The following MR1 variants were observed in gnomAD, a reference collection of about 807,000 sequenced individuals.
The protein encoded by MR1 is major histocompatibility complex class I-related protein 1.
MR1 carries 44 observed loss-of-function variants against 37.8 expected under a neutral mutation model. That is an observed-to-expected ratio of 1.16 (90% CI 0.91 to 1.50). MR1 has a LOEUF of 1.50. MR1 is among the 40% of genes most tolerant of loss of function. The probability of loss-of-function intolerance (pLI) is 0.00; values close to 1 mark genes in which losing one functional copy is unlikely to be tolerated. For synonymous variants in MR1, 153 were observed against 155.8 expected (o/e 0.98, Z 0.13); for missense variants, 386 against 419.1 (o/e 0.92, Z 0.69).
rs1407084490 is a variant in MR1, at chr1:181,052,375, TATG to T, written c.746_748del (p.Tyr249_Gly250delinsTer). On this transcript the variant is annotated stop_gained and inframe_deletion, in exon 4 of 6. Coordinates refer to ENST00000367580, the MANE Select transcript of MR1 (RefSeq NM_001385161.1). LOFTEE classifies it high-confidence loss of function. ...GGAAGAAATTGTCCAAGAAATTGATTATGGAGACATTCTTCCCAGTGGGGATGG... is the reference window on the plus strand; with the variant it reads ...GGAAGAAATTGTCCAAGAAATTGATTGAGACATTCTTCCCAGTGGGGATGG... 14 of 1,614,144 alleles carry T rather than the reference TATG, an allele frequency of 8.7e-6. No homozygotes were observed. The highest frequency in any genetic ancestry group is 1.2e-5 in the Non-Finnish European group (14 of 1,180,032).
chr1:181,040,736 C>T (rs1055495272), intron 1 of MR1, among the ~76,000 whole-genome samples: 1 of 149,888 alleles, frequency 6.7e-6, no homozygotes, highest in Non-Finnish European at 1.5e-5. Flanking sequence ...ACAACTGTTT[C>T]AAAACCAGGC....
chr1:181,040,996 C>T (rs941660361), intron 1 of MR1, among the ~76,000 whole-genome samples: 3 of 151,896 alleles, frequency 2.0e-5, no homozygotes, highest in Non-Finnish European at 2.9e-5. Context: ...GCAGGAGAAT[C>T]GCTTGAACCT....
In MR1 at chr1:181,061,379, T is replaced by G. The variant is rs1658892035; in HGVS notation, c.*6114T>G. The G allele has an allele frequency of 6.6e-6, 1 of 152,254 alleles. No individual in the cohort carries two copies. Among genetic ancestry groups the G allele is most frequent in the East Asian group, 1.9e-4 (1 of 5,200 alleles). 9.4% of individuals were successfully genotyped at this position (152,254 alleles called of 1,614,324 possible). On this transcript the variant is annotated 3_prime_UTR_variant, in exon 6 of 6. Transcript: ENST00000367580. Reference sequence around the variant, plus strand: ...ACACAGAGTAGATTTTGGTCCCGTTTGTTCCCCAGTGGGGTATCTATCCTT... The same window carrying G: ...ACACAGAGTAGATTTTGGTCCCGTTGGTTCCCCAGTGGGGTATCTATCCTT...
At chr1:181,053,433 G>A (rs997995978) in intron 4 of MR1, 140 bp from the exon 5 acceptor site, 7 of 608,048 alleles carry the variant, frequency 1.2e-5, no homozygotes, top group Middle Eastern at 2.7e-4. Flanking sequence ...TATTCCATTA[G>A]TGGTCAGATT....
chr1:181,037,160 T>C (rs1365770677), intron 1 of MR1: 1 of 152,232 alleles, frequency 6.6e-6, no homozygotes, highest in East Asian at 1.9e-4. Context: ...ATAAATCTGC[T>C]ATATCAATCT....
chr1:181,052,635 C>G (rs555314093), intron 4 of MR1, 125 bp downstream of exon 4: 1 of 1,056,700 alleles, frequency 9.5e-7, no homozygotes, highest in South Asian at 1.7e-5. Context: ...TAGAATGGGT[C>G]TTTTAAATAA....
chr1:181,053,135 A>G (rs2102402491), intron 4 of MR1, among the ~76,000 whole-genome samples: 1 of 152,278 alleles, frequency 6.6e-6, no homozygotes, highest in South Asian at 2.1e-4. Flanking sequence ...TAATGCCAGT[A>G]CTTTGGGAGG....
At chr1:181,042,820 G>A (rs190157549) in intron 1 of MR1, among the ~76,000 whole-genome samples, 1 of 152,034 alleles carries the variant, frequency 6.6e-6, no homozygotes, top group East Asian at 2.0e-4. Flanking sequence ...AAAGATCCAG[G>A]TTAAATAGAT....
At chr1:181,048,464 G>A (rs1658049301) in intron 1 of MR1, among the ~76,000 whole-genome samples, 1 of 151,960 alleles carries the variant, frequency 6.6e-6, no homozygotes, top group African/African-American at 2.4e-5. Context: ...GAACCCAGGA[G>A]GCGGAGGTTG....
In MR1 at chr1:181,051,486, G is replaced by T. The variant is rs543497152; in HGVS notation, c.605-749G>T. Among the ~76,000 whole-genome samples the T allele has an allele frequency of 7.2e-5, 11 of 152,210 alleles. No homozygotes were observed. The South Asian group carries it at 2.3e-3, about 32-fold the overall frequency. ...ATTGGGTTGGCCGATGATAAGGTGG[G>T]GGTCAGGAGGCAAGTCAGAGATGAG... On this transcript the variant is annotated intron_variant, in intron 3 of 5. Transcript: ENST00000367580.
chr1:181,046,150 C>G (rs986402955), intron 1 of MR1, among the ~76,000 whole-genome samples: 1 of 152,228 alleles, frequency 6.6e-6, no homozygotes, highest in Non-Finnish European at 1.5e-5. Flanking sequence ...CGAGCCTCCC[C>G]GATGAGCGCC....
rs901744286 is a variant in MR1, at chr1:181,056,959, A to C, written c.*1694A>C. The C allele has an allele frequency of 6.6e-6, 1 of 152,106 alleles. No individual in the cohort carries two copies. The highest frequency in any genetic ancestry group is 2.4e-5 in the African/African-American group (1 of 41,386). The allele number at this position is 152,106 out of a possible 1,614,324, so 9.4% of individuals were successfully genotyped here. On this transcript the variant is annotated 3_prime_UTR_variant, in exon 6 of 6. Transcript: ENST00000367580. ...ACACGGTGAAACCCTGTCTCTACTA[A>C]AATACAAATAATTAGCTGGGCATGG...
At position 181,056,480 on chromosome 1, in the gene MR1, T is replaced by G. The variant is rs1658629542; in HGVS notation, c.*1215T>G. ...TGTGCTGGCTCATGGTAGCTGGGCA[T>G]GACTTGCCTTCCTACATAGGTTGTC... On this transcript the variant is annotated 3_prime_UTR_variant, in exon 6 of 6. Coordinates refer to ENST00000367580, the MANE Select transcript of MR1 (RefSeq NM_001385161.1). The G allele has an allele frequency of 6.6e-6, 1 of 152,140 alleles. No individual in the cohort carries two copies. Among genetic ancestry groups the G allele is most frequent in the African/African-American group, 2.4e-5 (1 of 41,422 alleles). The allele number at this position is 152,140 out of a possible 1,614,324, so 9.4% of individuals were successfully genotyped here.
chr1:181,053,014 G>C (rs965324389), intron 4 of MR1, among the ~76,000 whole-genome samples: 1 of 151,916 alleles, frequency 6.6e-6, no homozygotes, highest in African/African-American at 2.4e-5. Flanking sequence ...GCAGTGAGCC[G>C]AGATCGCACC....
intron 1 of MR1, among the ~76,000 whole-genome samples, chr1:181,041,645 C>A (rs895331856): frequency 2.0e-5 from 3 of 152,198 alleles, no homozygotes; most frequent in Non-Finnish European, 2.9e-5. Flanking sequence ...TTTCCAGGGG[C>A]CTTTGCATGG....
chr1:181,049,350 A>C (rs367838687), intron 2 of MR1, 38 bp downstream of exon 2: 1 of 1,584,180 alleles, frequency 6.3e-7, no homozygotes, highest in Admixed American at 1.8e-5. Context: ...CCCCCATCCC[A>C]CCCCAACCCG....
intron 4 of MR1, 26 bp from the exon 5 acceptor site, chr1:181,053,547 A>T: frequency 1.3e-6 from 2 of 1,566,726 alleles, no homozygotes; most frequent in South Asian, 2.2e-5. Flanking sequence ...GGACTTGTGG[A>T]TTTTTTCTCA....
Position 181,055,415 on chromosome 1 carries a change from G to A in MR1, c.*150G>A. ...TTGAGCATTTATGGCAGCAACAGAG[G>A]AGCCACAAAATGTTCTTTGTTCTTT... On this transcript the variant is annotated 3_prime_UTR_variant, in exon 6 of 6. Transcript: ENST00000367580. 1.5e-6 allele frequency: 1 copy of A among 675,774 alleles called. No individual in the cohort carries two copies. Among genetic ancestry groups the A allele is most frequent in the East Asian group, 2.7e-5 (1 of 37,000 alleles). 41.9% of individuals were successfully genotyped at this position (675,774 alleles called of 1,614,324 possible).
Position 181,060,255 on chromosome 1 carries a change from A to G in MR1, c.*4990A>G, listed in dbSNP as rs1481602513. Reference sequence around the variant, plus strand: ...TTCATGAGGCCATCAGTCATACTGGATTAGGGACCCACTCTACTACTGCAG... The same window carrying G: ...TTCATGAGGCCATCAGTCATACTGGGTTAGGGACCCACTCTACTACTGCAG... On this transcript the variant is annotated 3_prime_UTR_variant, in exon 6 of 6. Transcript: ENST00000367580. The G allele has an allele frequency of 6.6e-6, 1 of 152,122 alleles. No homozygotes were observed. The highest frequency in any genetic ancestry group is 1.5e-5 in the Non-Finnish European group (1 of 68,032). 9.4% of individuals were successfully genotyped at this position (152,122 alleles called of 1,614,324 possible).
Sources: allele counts gnomAD v4.1 joint callset (sites outside exome capture counted in the v4.1 genomes callset), GRCh38; gene constraint gnomAD v4.1.1; transcripts MANE v1.5; gene names NCBI Gene and HGNC (gene_info 2026-07-23, HGNC 2026-07-21).